Variants in SLC24A2 observed in about 807,000 individuals in gnomAD.
The protein encoded by SLC24A2 is sodium/potassium/calcium exchanger 2.
SLC24A2 carries 36 observed loss-of-function variants against 62.0 expected under a neutral mutation model. The ratio of observed to expected loss-of-function variants is 0.58; its 90% confidence interval spans 0.44 to 0.77. The LOEUF (loss-of-function observed/expected upper bound fraction) is 0.77, where lower values mean the gene tolerates loss of function less well. SLC24A2 is among the 30% of genes least tolerant of loss of function. SLC24A2 has a pLI of 0.00. For synonymous variants in SLC24A2, 358 were observed against 294.0 expected (o/e 1.22, Z -2.23); for missense variants, 846 against 817.9 (o/e 1.03, Z -0.42).
chr9:19,914,863 A>G, the SLC24A2 span, among the ~76,000 whole-genome samples: 13 of 152,222 alleles, frequency 8.5e-5, no homozygotes, highest in African/African-American at 2.6e-4. Context: ...CTGGCCACAT[A>G]AAAGATCTGA....
At chr9:20,178,751 G>A in the SLC24A2 span, among the ~76,000 whole-genome samples, 7 of 152,142 alleles carry the variant, frequency 4.6e-5, no homozygotes, top group Non-Finnish European at 1.0e-4. Flanking sequence ...GAAACTGCCT[G>A]TGCTTCTAGG....
the SLC24A2 span, among the ~76,000 whole-genome samples, chr9:19,834,633 CA>C: frequency 1.3e-5 from 2 of 152,174 alleles, no homozygotes; most frequent in South Asian, 4.1e-4. Flanking sequence ...AGAATGGAAC[CA>C]AGCTGGAAAA....
the SLC24A2 span, among the ~76,000 whole-genome samples, chr9:19,924,342 G>A: frequency 1.3e-5 from 2 of 152,168 alleles, no homozygotes; most frequent in Admixed American, 6.5e-5. Context: ...GTTTCTCTTT[G>A]CTAGAGCTCT....
chr9:19,684,889 AG>A, intron 2 of SLC24A2, among the ~76,000 whole-genome samples: 1 of 152,104 alleles, frequency 6.6e-6, no homozygotes, highest in Non-Finnish European at 1.5e-5. Context: ...GCATCCAAAT[AG>A]GAAGACAGGA....
intron 2 of SLC24A2, among the ~76,000 whole-genome samples, chr9:19,728,092 G>A (rs1194894494): frequency 9.9e-5 from 15 of 152,140 alleles, no homozygotes; most frequent in Admixed American, 2.0e-4. Flanking sequence ...CGGCTGTGGA[G>A]GCCATGACCT....
chr9:20,273,579 G>A, the SLC24A2 span, among the ~76,000 whole-genome samples: 2 of 152,236 alleles, frequency 1.3e-5, no homozygotes, highest in African/African-American at 4.8e-5. Context: ...CTCTTCACAA[G>A]CTCTCTCTTT....
chr9:20,190,268 A>G, the SLC24A2 span, among the ~76,000 whole-genome samples: 1 of 152,160 alleles, frequency 6.6e-6, no homozygotes, highest in Non-Finnish European at 1.5e-5. Context: ...TCCTCAGGGA[A>G]ACTGCAAAAT....
At chr9:20,281,854 T>A in the SLC24A2 span, among the ~76,000 whole-genome samples, 1 of 152,220 alleles carries the variant, frequency 6.6e-6, no homozygotes, top group Non-Finnish European at 1.5e-5. Flanking sequence ...CAGTACTAAA[T>A]CTTCCAAAAT....
At chr9:19,630,607 T>C (rs1818153740) in intron 2 of SLC24A2, among the ~76,000 whole-genome samples, 1 of 152,064 alleles carries the variant, frequency 6.6e-6, no homozygotes, top group South Asian at 2.1e-4. Flanking sequence ...TAACTTCCGA[T>C]CTCAGAAATA....
At chr9:19,532,459 C>T (rs1833755674) in intron 8 of SLC24A2, among the ~76,000 whole-genome samples, 1 of 152,120 alleles carries the variant, frequency 6.6e-6, no homozygotes, top group Admixed American at 6.6e-5. Flanking sequence ...GCTATGTAAA[C>T]AGTTGTTAAA....
chr9:20,157,972 A>C, the SLC24A2 span, among the ~76,000 whole-genome samples: 1 of 151,654 alleles, frequency 6.6e-6, no homozygotes, highest in Non-Finnish European at 1.5e-5. Context: ...TAAGCAAACA[A>C]AAATGTGAGT....
intron 4 of SLC24A2, among the ~76,000 whole-genome samples, chr9:19,618,452 T>A (rs1018906963): frequency 2.0e-5 from 3 of 152,162 alleles, no homozygotes; most frequent in Non-Finnish European, 4.4e-5. Context: ...CTCTGTGGTA[T>A]AACAGGAAGA....
At chr9:19,843,018 TG>T in the SLC24A2 span, among the ~76,000 whole-genome samples, 3 of 152,216 alleles carry the variant, frequency 2.0e-5, no homozygotes, top group South Asian at 6.2e-4. Flanking sequence ...ACTGTGTCTT[TG>T]TACTTCTGTA....
the SLC24A2 span, among the ~76,000 whole-genome samples, chr9:20,281,974 A>G: frequency 1.3e-5 from 2 of 152,272 alleles, no homozygotes; most frequent in South Asian, 2.1e-4. Context: ...TTAGTGTTTT[A>G]TATTTTTGAT....
the SLC24A2 span, among the ~76,000 whole-genome samples, chr9:19,867,441 T>C: frequency 6.6e-6 from 1 of 152,352 alleles, no homozygotes; most frequent in South Asian, 2.1e-4. Context: ...TTGTTCCTCT[T>C]ATTTAAGTTG....
At chr9:19,798,230 A>G in the SLC24A2 span, among the ~76,000 whole-genome samples, 2 of 152,056 alleles carry the variant, frequency 1.3e-5, no homozygotes, top group African/African-American at 4.8e-5. Context: ...TTGTTCTTTT[A>G]TATAATAAAT....
At chr9:20,084,152 A>C in the SLC24A2 span, among the ~76,000 whole-genome samples, 1 of 152,246 alleles carries the variant, frequency 6.6e-6, no homozygotes, top group African/African-American at 2.4e-5. Context: ...TAACTCACTT[A>C]AAGAAAATAG....
the SLC24A2 span, among the ~76,000 whole-genome samples, chr9:19,868,874 G>T: frequency 6.6e-6 from 1 of 151,654 alleles, no homozygotes; most frequent in South Asian, 2.1e-4. Flanking sequence ...TGAAATATGT[G>T]TCACTTTCAT....
At chr9:19,821,179 C>T in the SLC24A2 span, among the ~76,000 whole-genome samples, 6 of 151,964 alleles carry the variant, frequency 3.9e-5, no homozygotes, top group African/African-American at 1.4e-4. Context: ...ATTTGTACTG[C>T]ACTGTGAGGA....
Sources: allele counts gnomAD v4.1 joint callset (sites outside exome capture counted in the v4.1 genomes callset), GRCh38; gene constraint gnomAD v4.1.1; transcripts MANE v1.5; gene names NCBI Gene and HGNC (gene_info 2026-07-23, HGNC 2026-07-21).